Variants in NMNAT2 observed in about 807,000 individuals in gnomAD.
NMNAT2 encodes nicotinamide nucleotide adenylyltransferase 2.
In NMNAT2, 11 loss-of-function variants were observed where a neutral mutation model predicts 41.6. The ratio of observed to expected loss-of-function variants is 0.26; its 90% confidence interval spans 0.17 to 0.44. The LOEUF is 0.44. Among genes scored for constraint, NMNAT2 ranks in the 20% least tolerant of loss-of-function variants. The pLI, the probability that NMNAT2 is intolerant of heterozygous loss-of-function variation, is 1.00. For missense variants in NMNAT2, 288 were observed against 407.7 expected, an observed-to-expected ratio of 0.71 and a Z score of 2.53; for synonymous variants, 148 against 151.2, an observed-to-expected ratio of 0.98 and a Z score of 0.16.
intron 8 of NMNAT2, among the ~76,000 whole-genome samples, chr1:183,272,439 G>A (rs537369150): frequency 4.6e-5 from 7 of 152,286 alleles, no homozygotes; most frequent in Non-Finnish European, 7.4e-5. Flanking sequence ...AGAGAAACTC[G>A]ATGACTATGT....
chr1:183,303,246 C>A (rs1166142423), intron 1 of NMNAT2, among the ~76,000 whole-genome samples: 2 of 152,176 alleles, frequency 1.3e-5, no homozygotes, highest in Non-Finnish European at 2.9e-5. Context: ...AAGAGGCTAG[C>A]TGAGAAGAAG....
intron 1 of NMNAT2, among the ~76,000 whole-genome samples, chr1:183,411,438 G>C (rs1649113473): frequency 6.6e-6 from 1 of 152,092 alleles, no homozygotes; most frequent in Non-Finnish European, 1.5e-5. Context: ...TGAGTAGCTA[G>C]GATTACAGGC....
At position 183,305,795 on chromosome 1, in the gene NMNAT2, A is replaced by G. The variant is rs189929825; in HGVS notation, c.86-12002T>C. Among the ~76,000 whole-genome samples, 431 of 142,768 alleles carry G rather than the reference A, an allele frequency of 3.0e-3. 3 individuals carry two copies. Among genetic ancestry groups the G allele is most frequent in the African/African-American group, 0.011 (404 of 38,026 alleles). 93.7% of individuals were successfully genotyped at this position (142,768 alleles called of 152,430 possible). A position where few individuals can be genotyped will look rare whatever the true frequency, so the allele number is the denominator to read the frequency against. Reference sequence around the variant, plus strand: ...GAGTGCAGTGGCATGAACTCAGCTCACTGCAACCTCCACCTTCCAGGTTCA... The same window carrying G: ...GAGTGCAGTGGCATGAACTCAGCTCGCTGCAACCTCCACCTTCCAGGTTCA... On this transcript the variant is annotated intron_variant, in intron 1 of 10. Coordinates refer to ENST00000287713, the MANE Select transcript of NMNAT2 (RefSeq NM_015039.4).
intron 1 of NMNAT2, among the ~76,000 whole-genome samples, chr1:183,297,872 G>A (rs962232984): frequency 6.6e-6 from 1 of 152,176 alleles, no homozygotes; most frequent in Non-Finnish European, 1.5e-5. Flanking sequence ...ACTAAGTGGT[G>A]TATATTCCAG....
chr1:183,331,006 C>T (rs562249496), intron 1 of NMNAT2, among the ~76,000 whole-genome samples: 24 of 151,840 alleles, frequency 1.6e-4, no homozygotes, highest in East Asian at 3.9e-4. Context: ...TTCTTTTTTT[C>T]TCTCTCTCTC....
intron 1 of NMNAT2, among the ~76,000 whole-genome samples, chr1:183,357,109 T>C (rs1663209002): frequency 1.3e-5 from 2 of 151,838 alleles, no homozygotes; most frequent in South Asian, 2.1e-4. Context: ...GGGGGCAGAA[T>C]GTGGAGAACG....
chr1:183,303,438 C>T (rs1484557862), intron 1 of NMNAT2, among the ~76,000 whole-genome samples: 1 of 152,140 alleles, frequency 6.6e-6, no homozygotes, highest in Non-Finnish European at 1.5e-5. Flanking sequence ...TCACTATTTT[C>T]CAAATAAGGA....
At chr1:183,284,560 G>T in intron 6 of NMNAT2, 150 bp downstream of exon 6, 3 of 713,768 alleles carry the variant, frequency 4.2e-6, no homozygotes, top group South Asian at 3.2e-5. Context: ...ACGCCTGTGT[G>T]GGGGGATACG....
At chr1:183,349,962 G>C (rs1347041143) in intron 1 of NMNAT2, among the ~76,000 whole-genome samples, 1 of 152,108 alleles carries the variant, frequency 6.6e-6, no homozygotes, top group Admixed American at 6.5e-5. Flanking sequence ...GCTTGGACTG[G>C]CAGAATATAG....
chr1:183,275,990 G>A (rs906825080), intron 8 of NMNAT2, among the ~76,000 whole-genome samples: 4 of 152,218 alleles, frequency 2.6e-5, no homozygotes, highest in East Asian at 1.9e-4. Context: ...TTTTAAAACC[G>A]GGTAAGTCTT....
At chr1:183,302,291 G>A (rs1322489806) in intron 1 of NMNAT2, among the ~76,000 whole-genome samples, 1 of 152,128 alleles carries the variant, frequency 6.6e-6, no homozygotes, top group Non-Finnish European at 1.5e-5. Flanking sequence ...CATATACTTT[G>A]CTGAAATAAT....
intron 8 of NMNAT2, among the ~76,000 whole-genome samples, chr1:183,275,452 T>C (rs984105295): frequency 2.0e-5 from 3 of 151,942 alleles, no homozygotes; most frequent in Non-Finnish European, 2.9e-5. Flanking sequence ...CTCCAGGCTC[T>C]AGAAAGCCCT....
intron 1 of NMNAT2, among the ~76,000 whole-genome samples, chr1:183,362,122 CA>C (rs1663319145): frequency 6.6e-6 from 1 of 151,928 alleles, no homozygotes; most frequent in Non-Finnish European, 1.5e-5. Context: ...TATTTTTTGT[CA>C]AGACGGGATT....
intron 1 of NMNAT2, among the ~76,000 whole-genome samples, chr1:183,305,643 G>A (rs1020422239): frequency 3.9e-5 from 6 of 151,940 alleles, no homozygotes; most frequent in Non-Finnish European, 8.8e-5. Flanking sequence ...GCTGCAGTGC[G>A]GGGATTTTTT....
chr1:183,282,669 T>C (rs900961889), intron 7 of NMNAT2, among the ~76,000 whole-genome samples: 3 of 152,236 alleles, frequency 2.0e-5, no homozygotes, highest in East Asian at 3.9e-4. Context: ...GTGCAGGAGC[T>C]TTCAGCCCAG....
At chr1:183,378,248 G>T (rs1663721032) in intron 1 of NMNAT2, among the ~76,000 whole-genome samples, 1 of 152,056 alleles carries the variant, frequency 6.6e-6, no homozygotes, top group Admixed American at 6.6e-5. Flanking sequence ...AAAAAAATGA[G>T]CTGGATGTGG....
chr1:183,253,694 A>G (rs1436332612), intron 10 of NMNAT2, among the ~76,000 whole-genome samples: 1 of 151,908 alleles, frequency 6.6e-6, no homozygotes, highest in Non-Finnish European at 1.5e-5. Flanking sequence ...TTTGATCTAT[A>G]TCTCCCCACT....
chr1:183,388,482 A>C (rs1648325417), intron 1 of NMNAT2, among the ~76,000 whole-genome samples: 1 of 152,206 alleles, frequency 6.6e-6, no homozygotes, highest in Admixed American at 6.5e-5. Flanking sequence ...TAAACTTGTC[A>C]CATCTCCCTT....
At chr1:183,417,957 G>C (rs1205623502) in intron 1 of NMNAT2, among the ~76,000 whole-genome samples, 2 of 149,862 alleles carry the variant, frequency 1.3e-5, no homozygotes, top group African/African-American at 4.9e-5. Context: ...CCCCACCTTT[G>C]GCCCCCTGCG....
Sources: allele counts gnomAD v4.1 joint callset (sites outside exome capture counted in the v4.1 genomes callset), GRCh38; gene constraint gnomAD v4.1.1; transcripts MANE v1.5; gene names NCBI Gene and HGNC (gene_info 2026-07-23, HGNC 2026-07-21).